TP63: variants seen among roughly 807,000 people sequenced by gnomAD.
TP63 encodes tumor protein p63, also known as tumor protein 63.
In TP63, 17 loss-of-function variants were observed where a neutral mutation model predicts 82.8. The observed-to-expected ratio is 0.21, with a 90% CI of 0.14 to 0.31. The LOEUF (loss-of-function observed/expected upper bound fraction) is 0.31, where lower values mean the gene tolerates loss of function less well. Ranked by LOEUF, TP63 falls within the 10% of genes least tolerant of loss-of-function variation. TP63 has a pLI of 1.00. For synonymous variants in TP63, 330 were observed against 321.7 expected (o/e 1.03, Z -0.28); for missense variants, 648 against 895.3 (o/e 0.72, Z 3.52).
intron 4 of TP63, among the ~76,000 whole-genome samples, chr3:189,863,653 A>G (rs1194546808): frequency 6.6e-6 from 1 of 152,184 alleles, no homozygotes; most frequent in African/African-American, 2.4e-5. Flanking sequence ...CATCAGAAGG[A>G]AAGTGCAGGC....
chr3:189,765,691 C>T (rs899875144), intron 3 of TP63, among the ~76,000 whole-genome samples: 26 of 151,700 alleles, frequency 1.7e-4, no homozygotes, highest in Non-Finnish European at 2.8e-4. Flanking sequence ...CCTCGGCCTC[C>T]CAAAGTGCTG....
chr3:189,715,346 G>T (rs553220056), intron 1 of TP63, among the ~76,000 whole-genome samples: 2 of 152,236 alleles, frequency 1.3e-5, no homozygotes, highest in African/African-American at 4.8e-5. Context: ...TACGGCATTT[G>T]TTTTTTCCTG....
chr3:189,607,387 T>C, the TP63 span, among the ~76,000 whole-genome samples: 1 of 152,340 alleles, frequency 6.6e-6, no homozygotes, highest in Non-Finnish European at 1.5e-5. Context: ...AACTTTTCTG[T>C]AAATCAATAT....
chr3:189,682,101 T>C (rs1715964278), intron 1 of TP63, among the ~76,000 whole-genome samples: 1 of 152,102 alleles, frequency 6.6e-6, no homozygotes, highest in South Asian at 2.1e-4. Flanking sequence ...GGTGTGGTGG[T>C]ACACACCTGT....
chr3:189,809,856 G>C (rs1222748142), intron 4 of TP63, among the ~76,000 whole-genome samples: 1 of 152,188 alleles, frequency 6.6e-6, no homozygotes, highest in Non-Finnish European at 1.5e-5. Flanking sequence ...GTGCTAGTGA[G>C]GAAAGCTGAA....
chr3:189,702,493 C>T (rs2108741912), intron 1 of TP63, among the ~76,000 whole-genome samples: 1 of 152,300 alleles, frequency 6.6e-6, no homozygotes, highest in East Asian at 1.9e-4. Flanking sequence ...ATTCTTTACT[C>T]ATTCAGAAGA....
chr3:189,666,867 G>A (rs1195256273), intron 1 of TP63, among the ~76,000 whole-genome samples: 4 of 149,474 alleles, frequency 2.7e-5, no homozygotes, highest in Non-Finnish European at 6.0e-5. Flanking sequence ...GTATGTAAAT[G>A]GGTTTACATG....
At chr3:189,751,736 G>A (rs1721836388) in intron 3 of TP63, among the ~76,000 whole-genome samples, 2 of 152,106 alleles carry the variant, frequency 1.3e-5, no homozygotes, top group Admixed American at 6.6e-5. Context: ...TGTCAGATGG[G>A]TAGATTGCAA....
In TP63 at chr3:189,886,421, T is replaced by C; in HGVS notation, c.1377T>C (p.Tyr459=). 6.2e-7 allele frequency: 1 copy of C among 1,614,134 alleles called. No homozygotes were observed. The highest frequency in any genetic ancestry group is 8.5e-7 in the Non-Finnish European group (1 of 1,180,002). The stretch of plus-strand genomic sequence containing the variant: ...CCTCAATACAGTCTCCATCTTCATA[T>C]GGTAACAGCTCCCCACCTCTGAACA... ...KQTSIQSPSS[Y]GNSSPPLNKM... is the part of the protein sequence containing the mutation. Residue 459 remains tyrosine (Y), a synonymous_variant, in exon 11 of 14, where the codon TAT becomes TAC. Coordinates refer to ENST00000264731, the MANE Select transcript of TP63 (RefSeq NM_003722.5).
intron 3 of TP63, among the ~76,000 whole-genome samples, chr3:189,791,810 A>G (rs1048863785): frequency 1.3e-5 from 2 of 152,122 alleles, no homozygotes; most frequent in African/African-American, 4.8e-5. Flanking sequence ...ATTCAGTGCT[A>G]CATCTGAGTA....
At chr3:189,756,101 A>T (rs1319333453) in intron 3 of TP63, among the ~76,000 whole-genome samples, 1 of 152,208 alleles carries the variant, frequency 6.6e-6, no homozygotes, top group Non-Finnish European at 1.5e-5. Context: ...ATGGGAATGG[A>T]CATAATATTT....
chr3:189,802,622 G>C (rs1339997759), intron 3 of TP63, among the ~76,000 whole-genome samples: 2 of 152,150 alleles, frequency 1.3e-5, no homozygotes, highest in East Asian at 3.9e-4. Flanking sequence ...GAGGTACACA[G>C]CACACTAGTG....
intron 3 of TP63, among the ~76,000 whole-genome samples, chr3:189,745,708 C>CAAAA (rs71298529): frequency 2.0e-3 from 36 of 17,792 alleles, no homozygotes; most frequent in Admixed American, 4.5e-3. Flanking sequence ...AACTCCATCT[C>CAAAA]AAAAAAAAAA....
At chr3:189,864,145 C>T in intron 4 of TP63, 87 bp from the exon 5 acceptor site, 3 of 1,572,972 alleles carry the variant, frequency 1.9e-6, no homozygotes, top group Non-Finnish European at 2.6e-6. Flanking sequence ...AAAAAGTGGA[C>T]AGATTTTCAT....
chr3:189,867,184 A>T (rs1478193008), intron 6 of TP63, among the ~76,000 whole-genome samples: 1 of 152,142 alleles, frequency 6.6e-6, no homozygotes, highest in Non-Finnish European at 1.5e-5. Context: ...TCTTAGCTGA[A>T]GTTTGAATGA....
intron 3 of TP63, among the ~76,000 whole-genome samples, chr3:189,788,998 A>G (rs890288612): frequency 6.6e-6 from 1 of 151,922 alleles, no homozygotes; most frequent in East Asian, 1.9e-4. Flanking sequence ...TCCCGTACAT[A>G]ATATGGATGT....
chr3:189,686,393 G>T (rs1716440751), intron 1 of TP63, among the ~76,000 whole-genome samples: 1 of 152,102 alleles, frequency 6.6e-6, no homozygotes, highest in Admixed American at 6.6e-5. Context: ...CCCAGGCAGG[G>T]TGGTAATGCC....
intron 1 of TP63, among the ~76,000 whole-genome samples, chr3:189,708,774 T>C (rs1053658247): frequency 3.9e-5 from 6 of 151,998 alleles, no homozygotes; most frequent in Non-Finnish European, 8.8e-5. Context: ...CCTAAACTGC[T>C]AAAAAAAATA....
chr3:189,689,779 CTTG>C (rs1041117568), intron 1 of TP63, among the ~76,000 whole-genome samples: 3 of 152,104 alleles, frequency 2.0e-5, no homozygotes, highest in Non-Finnish European at 2.9e-5. Flanking sequence ...TCTGTCTTGA[CTTG>C]TTGGGAAACT....
Sources: gnomAD v4.1 joint callset for allele counts (sites outside exome capture counted in the v4.1 genomes callset) on GRCh38, gnomAD v4.1.1 for gene constraint, MANE v1.5 for transcripts, NCBI Gene and HGNC (gene_info 2026-07-23, HGNC 2026-07-21) for gene names.